RANBP2: variants seen among roughly 807,000 people sequenced by gnomAD.
RANBP2 encodes the protein E3 SUMO-protein ligase RanBP2.
RANBP2 carries 57 observed loss-of-function variants against 303.6 expected under a neutral mutation model. The ratio of observed to expected loss-of-function variants is 0.19; its 90% CI spans 0.15 to 0.23. RANBP2 has a LOEUF of 0.23. Ranked by LOEUF, RANBP2 falls within the 10% of genes least tolerant of loss-of-function variation. The pLI is 1.00. For synonymous variants in RANBP2, 1,167 were observed against 1,301.5 expected (o/e 0.90, Z 2.23); for missense variants, 3,138 against 3,780.8 (o/e 0.83, Z 4.46).
the RANBP2 span, among the ~76,000 whole-genome samples, chr2:108,914,276 A>T: frequency 6.6e-6 from 1 of 151,986 alleles, no homozygotes; most frequent in East Asian, 1.9e-4. Context: ...AAAATAAAAT[A>T]AAAATAAAAT....
At chr2:109,774,550 A>T in the RANBP2 span, among the ~76,000 whole-genome samples, 1 of 98,940 alleles carries the variant, frequency 1.0e-5, no homozygotes, top group Non-Finnish European at 1.8e-5. Context: ...AAATATATAT[A>T]ATATATATAT....
chr2:109,164,724 A>G, the RANBP2 span, among the ~76,000 whole-genome samples: 1,015 of 152,250 alleles, frequency 6.7e-3, 11 homozygotes, highest in African/African-American at 0.023. Context: ...CAGGCTACCA[A>G]TGTGATATCA....
chr2:109,689,488 A>G, the RANBP2 span, among the ~76,000 whole-genome samples: 2 of 152,150 alleles, frequency 1.3e-5, no homozygotes, highest in Non-Finnish European at 2.9e-5. Flanking sequence ...GCTTTATCCT[A>G]TGCTAGCATC....
the RANBP2 span, chr2:108,804,835 G>A: frequency 7.1e-7 from 1 of 1,412,912 alleles, no homozygotes; most frequent in South Asian, 1.9e-5. Context: ...CATAGTATTA[G>A]TGATATACAG....
the RANBP2 span, among the ~76,000 whole-genome samples, chr2:109,298,302 C>T: frequency 1.5e-4 from 20 of 133,230 alleles, no homozygotes; most frequent in African/African-American, 1.6e-4. Context: ...GCTAGACAGG[C>T]GGGAAGGGAA....
the RANBP2 span, among the ~76,000 whole-genome samples, chr2:109,108,165 A>G: frequency 1.3e-5 from 2 of 152,070 alleles, no homozygotes; most frequent in Non-Finnish European, 2.9e-5. Flanking sequence ...TTGGCCTCCC[A>G]AAGTGCTGGG....
the RANBP2 span, among the ~76,000 whole-genome samples, chr2:108,907,283 C>A: frequency 1.3e-5 from 2 of 152,218 alleles, no homozygotes; most frequent in Non-Finnish European, 2.9e-5. Flanking sequence ...TGCCCTCTGG[C>A]ATTCCAAGTG....
the RANBP2 span, among the ~76,000 whole-genome samples, chr2:108,945,516 T>C: frequency 6.6e-6 from 1 of 152,170 alleles, no homozygotes; most frequent in Admixed American, 6.5e-5. Flanking sequence ...AGCAGAGGGC[T>C]GAACAGGATG....
the RANBP2 span, among the ~76,000 whole-genome samples, chr2:109,065,363 C>T: frequency 6.6e-6 from 1 of 152,142 alleles, no homozygotes; most frequent in Non-Finnish European, 1.5e-5. Context: ...ATTCTGACGG[C>T]TTTTGCTTAT....
the RANBP2 span, among the ~76,000 whole-genome samples, chr2:109,154,393 C>T: frequency 6.6e-6 from 1 of 152,148 alleles, no homozygotes; most frequent in Non-Finnish European, 1.5e-5. Context: ...CACAGAAGGC[C>T]CCCCAGCGCT....
chr2:108,877,178 A>G, the RANBP2 span, among the ~76,000 whole-genome samples: 3 of 152,184 alleles, frequency 2.0e-5, no homozygotes, highest in Admixed American at 2.0e-4. Context: ...AAACTTAAAA[A>G]TGCAGAAGGC....
chr2:109,519,266 C>A, the RANBP2 span, among the ~76,000 whole-genome samples: 1 of 152,132 alleles, frequency 6.6e-6, no homozygotes, highest in Admixed American at 6.5e-5. Flanking sequence ...AGAACTCTAA[C>A]ACGAGAACAG....
the RANBP2 span, among the ~76,000 whole-genome samples, chr2:109,680,704 C>G: frequency 6.6e-6 from 1 of 152,164 alleles, no homozygotes. Flanking sequence ...ACCGGAATCT[C>G]ACCTTTTTTC....
At chr2:109,612,459 G>C in the RANBP2 span, among the ~76,000 whole-genome samples, 1 of 152,096 alleles carries the variant, frequency 6.6e-6, no homozygotes, top group Admixed American at 6.5e-5. Context: ...GTGGAAAGGT[G>C]GATAAAGGGT....
At chr2:109,454,844 G>T in the RANBP2 span, among the ~76,000 whole-genome samples, 1 of 151,866 alleles carries the variant, frequency 6.6e-6, no homozygotes, top group Admixed American at 6.6e-5. Context: ...GGTGATGATT[G>T]TAGACTAAAG....
chr2:108,768,604 T>TA (rs1677280072), intron 20 of RANBP2, among the ~76,000 whole-genome samples: 1 of 152,258 alleles, frequency 6.6e-6, no homozygotes, highest in South Asian at 2.1e-4. Context: ...AACTGGAAGA[T>TA]ACTTTTATCA....
At chr2:109,294,748 G>A in the RANBP2 span, among the ~76,000 whole-genome samples, 1 of 152,190 alleles carries the variant, frequency 6.6e-6, no homozygotes, top group Non-Finnish European at 1.5e-5. Context: ...CCACACCCAA[G>A]AAAGGGGCAG....
the RANBP2 span, among the ~76,000 whole-genome samples, chr2:109,025,459 G>C: frequency 1.1e-4 from 17 of 152,196 alleles, no homozygotes; most frequent in Admixed American, 8.5e-4. Context: ...TTTATAACTT[G>C]ACGTACATAT....
chr2:109,618,480 T>C, the RANBP2 span: 1 of 167,100 alleles, frequency 6.0e-6, no homozygotes. Flanking sequence ...TTAACTTTTC[T>C]GATAAAATAA....
Sources: allele counts gnomAD v4.1 joint callset (sites outside exome capture counted in the v4.1 genomes callset), GRCh38; gene constraint gnomAD v4.1.1; transcripts MANE v1.5; gene names NCBI Gene and HGNC (gene_info 2026-07-23, HGNC 2026-07-21).